Variants in SLC9A9 observed in about 807,000 individuals in gnomAD.
The protein encoded by SLC9A9 is sodium/hydrogen exchanger 9.
Under a neutral mutation model 77.8 loss-of-function variants are expected in SLC9A9, and 62 were observed. The ratio of observed to expected loss-of-function variants is 0.80; its 90% CI spans 0.65 to 0.98. The LOEUF is 0.98. Ranked by LOEUF, SLC9A9 falls within the 50% of genes least tolerant of loss-of-function variation. The pLI is 0.00. For missense variants in SLC9A9, 775 were observed against 774.9 expected, an observed-to-expected ratio of 1.00 and a Z score of 0.00; for synonymous variants, 320 against 283.5, an observed-to-expected ratio of 1.13 and a Z score of -1.29.
At chr3:143,707,449 C>A (rs1934015885) in intron 4 of SLC9A9, among the ~76,000 whole-genome samples, 1 of 152,010 alleles carries the variant, frequency 6.6e-6, no homozygotes, top group Non-Finnish European at 1.5e-5. Flanking sequence ...CAAGTAAACC[C>A]AGCAAGTGAT....
intron 11 of SLC9A9, among the ~76,000 whole-genome samples, chr3:143,468,249 G>T (rs1211078906): frequency 6.6e-6 from 1 of 152,192 alleles, no homozygotes; most frequent in Non-Finnish European, 1.5e-5. Context: ...TCACTCAATT[G>T]TTTTCCAGAG....
At chr3:143,717,622 G>T (rs1160268081) in intron 4 of SLC9A9, among the ~76,000 whole-genome samples, 2 of 152,138 alleles carry the variant, frequency 1.3e-5, no homozygotes, top group African/African-American at 2.4e-5. Context: ...TTCTACACTT[G>T]CCAGGCTGAA....
At chr3:143,783,924 G>A (rs995343196) in intron 4 of SLC9A9, among the ~76,000 whole-genome samples, 1 of 152,324 alleles carries the variant, frequency 6.6e-6, no homozygotes, top group South Asian at 2.1e-4. Context: ...TAAATAAGAT[G>A]CCAATATCAA....
chr3:143,425,369 C>T (rs1239211498), intron 12 of SLC9A9, among the ~76,000 whole-genome samples: 2 of 145,864 alleles, frequency 1.4e-5, no homozygotes, highest in African/African-American at 2.5e-5. Flanking sequence ...ATCACACTGA[C>T]AAGATGTCTG....
chr3:143,800,151 C>T (rs1156628008), intron 2 of SLC9A9, among the ~76,000 whole-genome samples: 2 of 152,180 alleles, frequency 1.3e-5, no homozygotes, highest in Non-Finnish European at 2.9e-5. Context: ...TTCGCATCTT[C>T]CCCTTGTATC....
At chr3:143,272,371 T>C (rs1937921738) in intron 14 of SLC9A9, among the ~76,000 whole-genome samples, 1 of 152,158 alleles carries the variant, frequency 6.6e-6, no homozygotes, top group African/African-American at 2.4e-5. Context: ...GTGTGGCACT[T>C]CTTAGATACT....
At chr3:143,577,033 C>T (rs746217104) in intron 7 of SLC9A9, among the ~76,000 whole-genome samples, 21 of 152,126 alleles carry the variant, frequency 1.4e-4, no homozygotes, top group Non-Finnish European at 1.3e-4. Context: ...ATGCTTCCCC[C>T]GCAGTTCATC....
At chr3:143,750,057 G>C (rs2006658250) in intron 4 of SLC9A9, among the ~76,000 whole-genome samples, 1 of 152,050 alleles carries the variant, frequency 6.6e-6, no homozygotes, top group African/African-American at 2.4e-5. Context: ...AAAAATAAAA[G>C]CTCCGGGCAG....
At chr3:143,392,929 C>T (rs2033607599) in intron 12 of SLC9A9, among the ~76,000 whole-genome samples, 1 of 152,210 alleles carries the variant, frequency 6.6e-6, no homozygotes, top group African/African-American at 2.4e-5. Context: ...AATACAGGAA[C>T]ACCCAGATTC....
chr3:143,495,465 A>G lies in SLC9A9; in HGVS notation c.1090-17T>C. ...TTCAAACAACTGAAACAAAACATAAAACAAAAAACCATTAATTATAACTCA... is the reference window on the plus strand; with the variant it reads ...TTCAAACAACTGAAACAAAACATAAGACAAAAAACCATTAATTATAACTCA... On this transcript the variant is annotated splice_polypyrimidine_tract_variant and intron_variant, in intron 9 of 15. Coordinates refer to ENST00000316549, the MANE Select transcript of SLC9A9 (RefSeq NM_173653.4). 6.3e-7 allele frequency: 1 copy of G among 1,575,396 alleles called. No homozygotes were observed. Among genetic ancestry groups the G allele is most frequent in the Non-Finnish European group, 8.7e-7 (1 of 1,144,916 alleles).
chr3:143,266,187 C>A lies in SLC9A9; in HGVS notation c.*515G>T, dbSNP rs760014330. The A allele has an allele frequency of 1.5e-5, 10 of 683,454 alleles. No individual in the cohort carries two copies. The highest frequency in any genetic ancestry group is 1.1e-4 in the South Asian group (7 of 64,096). The allele number at this position is 683,454 out of a possible 1,614,324, so 42.3% of individuals were successfully genotyped here. A position where few individuals can be genotyped will look rare whatever the true frequency, so the allele number is the denominator to read the frequency against. ...GTACGGAACACTTCTCTGGGCTCTGCCCTGGGGTCACTGAGAGCAAATGGG... is the reference window on the plus strand; with the variant it reads ...GTACGGAACACTTCTCTGGGCTCTGACCTGGGGTCACTGAGAGCAAATGGG... On this transcript the variant is annotated 3_prime_UTR_variant, in exon 16 of 16. Transcript: ENST00000316549.
intron 4 of SLC9A9, among the ~76,000 whole-genome samples, chr3:143,741,293 T>C (rs781726506): frequency 2.0e-5 from 3 of 152,020 alleles, no homozygotes; most frequent in Non-Finnish European, 4.4e-5. Flanking sequence ...ATCACCCCAT[T>C]ATGTCAAAGG....
At chr3:143,595,051 G>A (rs2037729822) in intron 6 of SLC9A9, among the ~76,000 whole-genome samples, 1 of 152,202 alleles carries the variant, frequency 6.6e-6, no homozygotes, top group African/African-American at 2.4e-5. Context: ...AAGCAGACTG[G>A]AGTACATCTA....
intron 9 of SLC9A9, among the ~76,000 whole-genome samples, chr3:143,549,872 G>A (rs1179088681): frequency 6.6e-6 from 1 of 152,192 alleles, no homozygotes; most frequent in Non-Finnish European, 1.5e-5. Context: ...AACAGCCCAA[G>A]ACATTTCCCT....
rs1176907076 is a variant in SLC9A9 at position 143,796,807 on chromosome 3, A to T, written c.456+19T>A. On this transcript the variant is annotated intron_variant, in intron 3 of 15. Coordinates refer to ENST00000316549, the MANE Select transcript of SLC9A9 (RefSeq NM_173653.4). ...CTCTACTTAATGATAAAAGAAGAAA[A>T]TGATCACTATATATTTACCTTCTTT... 6.4e-7 allele frequency: 1 copy of T among 1,555,326 alleles called. No individual in the cohort carries two copies. Among genetic ancestry groups the T allele is most frequent in the South Asian group, 1.2e-5 (1 of 86,678 alleles).
At chr3:143,269,071 G>A (rs1167411683) in intron 14 of SLC9A9, 91 bp from the exon 15 acceptor site, 5 of 966,072 alleles carry the variant, frequency 5.2e-6, no homozygotes, top group African/African-American at 1.6e-5. Flanking sequence ...AGACAGCTAC[G>A]TTTGCCTTTA....
At chr3:143,289,119 G>A (rs908443019) in intron 14 of SLC9A9, among the ~76,000 whole-genome samples, 2 of 152,186 alleles carry the variant, frequency 1.3e-5, no homozygotes, top group Non-Finnish European at 2.9e-5. Flanking sequence ...GCTGTCAGTG[G>A]TAGGGATGAC....
intron 4 of SLC9A9, among the ~76,000 whole-genome samples, chr3:143,783,286 C>A (rs369050022): frequency 1.3e-5 from 2 of 152,210 alleles, no homozygotes; most frequent in East Asian, 3.9e-4. Context: ...CCTACCCATA[C>A]TCTGGCCTCC....
chr3:143,583,377 A>G (rs1383443368), intron 6 of SLC9A9, among the ~76,000 whole-genome samples: 1 of 152,214 alleles, frequency 6.6e-6, no homozygotes, highest in African/African-American at 2.4e-5. Flanking sequence ...AGCAACATGA[A>G]TAAGGATCAT....
Sources: gnomAD v4.1 joint callset for allele counts (sites outside exome capture counted in the v4.1 genomes callset) on GRCh38, gnomAD v4.1.1 for gene constraint, MANE v1.5 for transcripts, NCBI Gene and HGNC (gene_info 2026-07-23, HGNC 2026-07-21) for gene names.